SCD5: variants seen among roughly 807,000 people sequenced by gnomAD.
SCD5 encodes the protein stearoyl-CoA desaturase 5.
In SCD5, 20 loss-of-function variants were observed where a neutral mutation model predicts 30.4. That is an observed-to-expected ratio of 0.66 (90% CI 0.46 to 0.96). The LOEUF is 0.96. Among genes scored for constraint, SCD5 ranks in the 40% least tolerant of loss-of-function variants. The pLI is 0.00. For synonymous variants in SCD5, 173 were observed against 176.4 expected, an observed-to-expected ratio of 0.98 and a Z score of 0.16; for missense variants, 381 against 443.3, an observed-to-expected ratio of 0.86 and a Z score of 1.26.
Position 82,779,539 on chromosome 4 carries a change from C to T in SCD5, c.232+18767G>A, listed in dbSNP as rs544850938. Among the ~76,000 whole-genome samples, 5 of 152,336 alleles carry T rather than the reference C, an allele frequency of 3.3e-5. No individual in the cohort carries two copies. In the East Asian group the frequency reaches 9.6e-4, roughly 29 times the overall value. ...GGCATGCATCAGTGGGCAATGCTGT[C>T]CCAGAGCTGCCCACACATGGAGTGC... On this transcript the variant is annotated intron_variant, in intron 1 of 4. Coordinates refer to ENST00000319540, the MANE Select transcript of SCD5 (RefSeq NM_001037582.3).
intron 3 of SCD5, among the ~76,000 whole-genome samples, chr4:82,678,541 T>C (rs888790900): frequency 2.6e-5 from 4 of 152,224 alleles, no homozygotes; most frequent in Admixed American, 1.3e-4. Context: ...TTATTAATTA[T>C]ATAGCAACAT....
chr4:82,693,957 A>G (rs529189497), intron 2 of SCD5, among the ~76,000 whole-genome samples: 1 of 152,300 alleles, frequency 6.6e-6, no homozygotes, highest in East Asian at 1.9e-4. Context: ...CAGTCACAAG[A>G]GGGAATGCGG....
At chr4:82,743,763 C>G (rs984444980) in intron 1 of SCD5, among the ~76,000 whole-genome samples, 1 of 151,740 alleles carries the variant, frequency 6.6e-6, no homozygotes, top group Admixed American at 6.6e-5. Context: ...CTCAAGCAAT[C>G]CCCCCCGCCT....
At chr4:82,638,610 C>T (rs1330619494) in intron 3 of SCD5, among the ~76,000 whole-genome samples, 1 of 152,198 alleles carries the variant, frequency 6.6e-6, no homozygotes, top group Non-Finnish European at 1.5e-5. Context: ...TGGGTCAGAA[C>T]AGCCAAGTGG....
At chr4:82,719,551 C>T (rs6535389) in intron 1 of SCD5, among the ~76,000 whole-genome samples, 87,907 of 148,104 alleles carry the variant, frequency 0.59, 27,971 homozygotes, top group African/African-American at 0.82. Flanking sequence ...TCGCCCAGGC[C>T]GGAGTGCAGT....
intron 1 of SCD5, among the ~76,000 whole-genome samples, chr4:82,787,363 A>G (rs1189417248): frequency 6.6e-6 from 1 of 152,062 alleles, no homozygotes; most frequent in Admixed American, 6.5e-5. Flanking sequence ...AGGGTGTTTA[A>G]AAATTCCCTG....
chr4:82,682,648 T>A (rs865998239), intron 2 of SCD5, among the ~76,000 whole-genome samples: 2 of 152,106 alleles, frequency 1.3e-5, no homozygotes, highest in East Asian at 3.9e-4. Flanking sequence ...AGAAATTGTT[T>A]TGTTTTTGTT....
intron 2 of SCD5, among the ~76,000 whole-genome samples, chr4:82,685,505 G>T (rs1728683107): frequency 6.6e-6 from 1 of 152,058 alleles, no homozygotes; most frequent in Non-Finnish European, 1.5e-5. Context: ...CTGAGGACGG[G>T]AGTTCGAGAC....
chr4:82,662,309 T>C (rs141031547), intron 3 of SCD5, among the ~76,000 whole-genome samples: 1 of 152,024 alleles, frequency 6.6e-6, no homozygotes, highest in Non-Finnish European at 1.5e-5. Flanking sequence ...CACCTCAGCC[T>C]CCAAAAGTGC....
chr4:82,772,418 A>G (rs1254061688), intron 1 of SCD5, among the ~76,000 whole-genome samples: 2 of 152,248 alleles, frequency 1.3e-5, no homozygotes, highest in African/African-American at 4.8e-5. Flanking sequence ...CGTTCTGTCA[A>G]TAACTCTTGA....
At chr4:82,695,238 T>C (rs1719674256) in intron 2 of SCD5, among the ~76,000 whole-genome samples, 1 of 151,310 alleles carries the variant, frequency 6.6e-6, no homozygotes, top group Admixed American at 6.6e-5. Context: ...CCAAATACAA[T>C]GCTAAGCCAC....
In SCD5 at chr4:82,795,169, C is replaced by G. The variant is rs138842057; in HGVS notation, c.232+3137G>C. Among the ~76,000 whole-genome samples the G allele has an allele frequency of 4.6e-5, 7 of 152,368 alleles. No homozygotes were observed. The East Asian group carries it at 1.3e-3, about 29-fold the overall frequency. On this transcript the variant is annotated intron_variant, in intron 1 of 4. Coordinates refer to ENST00000319540, the MANE Select transcript of SCD5 (RefSeq NM_001037582.3). ...CACACAAATTACTCTCTGCACACTG[C>G]ACATCCAACACATCCCCTGCTGGGT...
intron 2 of SCD5, chr4:82,697,923 T>C: frequency 2.2e-6 from 1 of 446,024 alleles, no homozygotes; most frequent in African/African-American, 2.0e-5. Flanking sequence ...ACCAAGCTAT[T>C]TGCTCTTTTC....
intron 1 of SCD5, among the ~76,000 whole-genome samples, chr4:82,775,301 G>A (rs554580293): frequency 6.6e-6 from 1 of 152,322 alleles, no homozygotes. Context: ...TCTGAGCAGG[G>A]CTGGAGCTAT....
intron 1 of SCD5, among the ~76,000 whole-genome samples, chr4:82,756,250 G>A (rs996107695): frequency 6.6e-6 from 1 of 152,218 alleles, no homozygotes; most frequent in South Asian, 2.1e-4. Context: ...GGTGGGGATG[G>A]TGGGTCATCG....
At chr4:82,724,792 T>C (rs1157051238) in intron 1 of SCD5, among the ~76,000 whole-genome samples, 1 of 152,216 alleles carries the variant, frequency 6.6e-6, no homozygotes, top group Non-Finnish European at 1.5e-5. Flanking sequence ...CTGCTGTCGT[T>C]GTGCCTGTGA....
At chr4:82,660,717 T>C (rs1364193654) in intron 3 of SCD5, 2 of 1,450,124 alleles carry the variant, frequency 1.4e-6, no homozygotes, top group East Asian at 5.0e-5. Flanking sequence ...AGCTGCCTCC[T>C]TGTGTCAACT....
chr4:82,715,223 C>G lies in SCD5; in HGVS notation c.233-9810G>C, dbSNP rs560531044. ...CTGTACTGCAGCCTGGGTGACAGAG[C>G]AAGACTCCGTCTGAAAAAAAAAAAA... On this transcript the variant is annotated intron_variant, in intron 1 of 4. Coordinates refer to ENST00000319540, the MANE Select transcript of SCD5 (RefSeq NM_001037582.3). Among the ~76,000 whole-genome samples the G allele has an allele frequency of 6.1e-4, 86 of 141,082 alleles. 3 individuals are homozygous for G. The highest frequency in any genetic ancestry group is 2.3e-3 in the African/African-American group (84 of 36,286). The allele number at this position is 141,082 out of a possible 152,430, so 92.6% of individuals were successfully genotyped here. A position where few individuals can be genotyped will look rare whatever the true frequency, so the allele number is the denominator to read the frequency against.
At chr4:82,719,959 G>T (rs549024107) in intron 1 of SCD5, among the ~76,000 whole-genome samples, 1 of 151,610 alleles carries the variant, frequency 6.6e-6, no homozygotes, top group Admixed American at 6.6e-5. Context: ...ACACCACCAC[G>T]CCCAGCTAAT....
Sources: allele counts gnomAD v4.1 joint callset (sites outside exome capture counted in the v4.1 genomes callset), GRCh38; gene constraint gnomAD v4.1.1; transcripts MANE v1.5; gene names NCBI Gene and HGNC (gene_info 2026-07-23, HGNC 2026-07-21).